The following VMP1 variants were observed in gnomAD, a reference collection of about 807,000 sequenced individuals.
The protein encoded by VMP1 is vacuole membrane protein 1, also known as ectopic P-granules autophagy protein 3 homolog.
VMP1 carries 11 observed loss-of-function variants against 56.0 expected under a neutral mutation model. The observed-to-expected ratio is 0.20, with a 90% confidence interval of 0.12 to 0.32. The LOEUF (loss-of-function observed/expected upper bound fraction) is 0.32, where lower values mean the gene tolerates loss of function less well. Ranked by LOEUF, VMP1 falls within the 10% of genes least tolerant of loss-of-function variation. The pLI is 1.00. For synonymous variants in VMP1, 149 were observed against 165.0 expected (o/e 0.90, Z 0.74); for missense variants, 296 against 490.3 (o/e 0.60, Z 3.74).
At chr17:59,743,357 A>G (rs1024725283) in intron 5 of VMP1, among the ~76,000 whole-genome samples, 2 of 152,102 alleles carry the variant, frequency 1.3e-5, no homozygotes, top group Non-Finnish European at 1.5e-5. Flanking sequence ...ATTATAGGGT[A>G]TGATCCTTTT....
intron 7 of VMP1, among the ~76,000 whole-genome samples, chr17:59,781,066 G>C (rs778290753): frequency 1.3e-5 from 2 of 152,148 alleles, no homozygotes; most frequent in Non-Finnish European, 2.9e-5. Context: ...TGCAGTTGAA[G>C]GGGTGAGGGA....
At chr17:59,743,979 T>C (rs2035323544) in intron 5 of VMP1, among the ~76,000 whole-genome samples, 2 of 152,092 alleles carry the variant, frequency 1.3e-5, no homozygotes. Context: ...CCAACCTTAA[T>C]GGGAAGGCCT....
intron 6 of VMP1, among the ~76,000 whole-genome samples, chr17:59,767,322 G>T (rs1193169897): frequency 6.6e-6 from 1 of 152,028 alleles, no homozygotes; most frequent in Non-Finnish European, 1.5e-5. Flanking sequence ...TGCTTTAAAA[G>T]AATTATAAAG....
chr17:59,740,740 T>C (rs927098784), intron 5 of VMP1, among the ~76,000 whole-genome samples: 4 of 152,048 alleles, frequency 2.6e-5, no homozygotes, highest in Non-Finnish European at 4.4e-5. Context: ...CTAGTAGAGG[T>C]TGAGGGAGAG....
chr17:59,812,800 G>A (rs373325941), intron 9 of VMP1, among the ~76,000 whole-genome samples: 9 of 152,082 alleles, frequency 5.9e-5, no homozygotes, highest in African/African-American at 2.2e-4. Flanking sequence ...GCGTGGTGGC[G>A]CACGCTTGTA....
In VMP1 at chr17:59,745,533, A is replaced by T. The variant is rs562090100; in HGVS notation, c.414+6586A>T. 3.3e-5 allele frequency among the ~76,000 whole-genome samples: 5 copies of T among 152,358 alleles called. No homozygotes were observed. In the South Asian group the frequency reaches 1.0e-3, roughly 32 times the overall value. On this transcript the variant is annotated intron_variant, in intron 5 of 11. Transcript: ENST00000262291. The stretch of plus-strand genomic sequence containing the variant: ...AATAATCTCTGGTTTTTTTAAGCTT[A>T]TGCCATTTTCTTGCTGATTAGTGAT...
At chr17:59,737,896 A>G (rs1039435778) in intron 4 of VMP1, among the ~76,000 whole-genome samples, 12 of 151,944 alleles carry the variant, frequency 7.9e-5, no homozygotes, top group African/African-American at 2.9e-4. Flanking sequence ...TAGCCTCCCA[A>G]GTAGCTGGGA....
At chr17:59,722,036 C>G (rs890356034) in intron 1 of VMP1, among the ~76,000 whole-genome samples, 1 of 152,164 alleles carries the variant, frequency 6.6e-6, no homozygotes, top group Non-Finnish European at 1.5e-5. Context: ...CTGTCTGGTA[C>G]TTCTTCCAAT....
chr17:59,739,526 C>A (rs1288904703), intron 5 of VMP1, among the ~76,000 whole-genome samples: 4 of 151,564 alleles, frequency 2.6e-5, no homozygotes, highest in Non-Finnish European at 5.9e-5. Context: ...AGATCGAGAC[C>A]ATCCTGGCTA....
intron 3 of VMP1, 73 bp from the exon 4 acceptor site, chr17:59,737,380 A>G: frequency 6.8e-7 from 1 of 1,478,006 alleles, no homozygotes; most frequent in East Asian, 2.3e-5. Context: ...TGTTTCAGCA[A>G]GAAATTGTTC....
intron 1 of VMP1, among the ~76,000 whole-genome samples, chr17:59,717,356 A>T (rs2034202956): frequency 6.6e-6 from 1 of 152,140 alleles, no homozygotes; most frequent in Middle Eastern, 3.2e-3. Flanking sequence ...AGATTAAGAG[A>T]AAATGAGAAA....
intron 5 of VMP1, among the ~76,000 whole-genome samples, chr17:59,747,442 C>T (rs2035465631): frequency 2.0e-5 from 3 of 147,774 alleles, no homozygotes; most frequent in Admixed American, 1.4e-4. Flanking sequence ...TGGAATCTCA[C>T]TCTGTTGCCC....
At position 59,841,190 on chromosome 17, in the gene VMP1, TG is replaced by T; in HGVS notation, c.*1280del. 4.8e-6 allele frequency: 2 copies of T among 416,542 alleles called. No homozygotes were observed. The highest frequency in any genetic ancestry group is 3.8e-5 in the South Asian group (2 of 52,544). The allele number at this position is 416,542 out of a possible 1,614,324, so 25.8% of individuals were successfully genotyped here. A position where few individuals can be genotyped will look rare whatever the true frequency, so the allele number is the denominator to read the frequency against. Reference sequence around the variant, plus strand: ...GGTTTTTTTGGTTTGTTTTTGTTTTTGTTTTTTTATCAAATCCTGCCTGACT... The same window carrying T: ...GGTTTTTTTGGTTTGTTTTTGTTTTTTTTTTTTATCAAATCCTGCCTGACT... On this transcript the variant is annotated 3_prime_UTR_variant, in exon 12 of 12. Coordinates refer to ENST00000262291, the MANE Select transcript of VMP1 (RefSeq NM_030938.5).
chr17:59,803,808 ATTTG>A (rs2144187182), intron 7 of VMP1, among the ~76,000 whole-genome samples: 1 of 152,234 alleles, frequency 6.6e-6, no homozygotes, highest in South Asian at 2.1e-4. Context: ...CTAACATACA[ATTTG>A]TTTGTAATCT....
chr17:59,784,270 C>T (rs1205204724), intron 7 of VMP1, among the ~76,000 whole-genome samples: 1 of 152,010 alleles, frequency 6.6e-6, no homozygotes, highest in Non-Finnish European at 1.5e-5. Flanking sequence ...CTTTTTCCTC[C>T]ACCACTATGC....
intron 5 of VMP1, among the ~76,000 whole-genome samples, chr17:59,752,855 AAG>A (rs1435219703): frequency 6.6e-6 from 1 of 152,228 alleles, no homozygotes; most frequent in African/African-American, 2.4e-5. Context: ...TATTTTTAAA[AAG>A]TAACTATGTA....
intron 6 of VMP1, among the ~76,000 whole-genome samples, chr17:59,766,272 G>A (rs1418453655): frequency 6.6e-6 from 1 of 152,132 alleles, no homozygotes; most frequent in African/African-American, 2.4e-5. Context: ...GGGCGGCCAA[G>A]GCAGGCAGAT....
chr17:59,735,199 G>T (rs2034973085), intron 2 of VMP1, 139 bp from the exon 3 acceptor site: 9 of 1,113,998 alleles, frequency 8.1e-6, no homozygotes, highest in Non-Finnish European at 1.1e-5. Flanking sequence ...GGTACTACTA[G>T]TTGCCATTTT....
intron 1 of VMP1, among the ~76,000 whole-genome samples, chr17:59,719,311 C>T (rs2034299595): frequency 1.2e-5 from 1 of 85,688 alleles, no homozygotes; most frequent in Non-Finnish European, 2.4e-5. Flanking sequence ...AGAGGAAGAC[C>T]CTGTCACAAA....
Sources: gnomAD v4.1 joint callset for allele counts (sites outside exome capture counted in the v4.1 genomes callset) on GRCh38, gnomAD v4.1.1 for gene constraint, MANE v1.5 for transcripts, NCBI Gene and HGNC (gene_info 2026-07-23, HGNC 2026-07-21) for gene names.